NAALADL2: variants seen among roughly 807,000 people sequenced by gnomAD.
The protein encoded by NAALADL2 is inactive N-acetylated-alpha-linked acidic dipeptidase-like protein 2.
In NAALADL2, 76 loss-of-function variants were observed where a neutral mutation model predicts 87.2. That is an observed-to-expected ratio of 0.87 (90% CI 0.72 to 1.05). The LOEUF (loss-of-function observed/expected upper bound fraction) is 1.05, where lower values mean the gene tolerates loss of function less well. NAALADL2 is among the 50% of genes least tolerant of loss of function. The probability of loss-of-function intolerance (pLI) is 0.00; values close to 1 mark genes in which losing one functional copy is unlikely to be tolerated. For synonymous variants in NAALADL2, 354 were observed against 331.0 expected, an observed-to-expected ratio of 1.07 and a Z score of -0.75; for missense variants, 1,089 against 945.8, an observed-to-expected ratio of 1.15 and a Z score of -1.99.
Position 175,096,793 on chromosome 3 carries a change from A to G in NAALADL2, c.47A>G (p.Lys16Arg). 1 of 1,487,548 alleles carries G rather than the reference A, an allele frequency of 6.7e-7. No individual in the cohort carries two copies. The highest frequency in any genetic ancestry group is 8.9e-7 in the Non-Finnish European group (1 of 1,118,204). The allele number at this position is 1,487,548 out of a possible 1,614,324, so 92.1% of individuals were successfully genotyped here. ...TATATTTTTCTTATTTTCACAGGTA[A>G]AAAGATGGCCTATCAGAAGGTCCAT... ...ASLPNTSLQG[K>R]KMAYQKVHAD... Residue 16 changes from lysine (K) to arginine (R), a missense_variant, in exon 2 of 14, where the codon AAA becomes AGA. Coordinates refer to ENST00000454872, the MANE Select transcript of NAALADL2 (RefSeq NM_207015.3).
At chr3:175,329,578 T>C (rs1761149848) in intron 5 of NAALADL2, among the ~76,000 whole-genome samples, 1 of 152,182 alleles carries the variant, frequency 6.6e-6, no homozygotes, top group South Asian at 2.1e-4. Flanking sequence ...TGTGCCTAGT[T>C]GTCAAAGCAA....
chr3:175,246,847 A>T (rs1325192175), intron 3 of NAALADL2, among the ~76,000 whole-genome samples: 1 of 152,098 alleles, frequency 6.6e-6, no homozygotes, highest in Non-Finnish European at 1.5e-5. Context: ...GATATTAGGG[A>T]AAAGCAAGAG....
intron 13 of NAALADL2, among the ~76,000 whole-genome samples, chr3:175,763,831 AAC>A (rs140976173): frequency 6.6e-6 from 1 of 151,940 alleles, no homozygotes; most frequent in East Asian, 1.9e-4. Flanking sequence ...TCCCCATTCT[AAC>A]ACACACACAC....
chr3:174,722,840 T>G (rs1439255031), intron 2 of NAALADL2, among the ~76,000 whole-genome samples: 2 of 152,234 alleles, frequency 1.3e-5, no homozygotes, highest in Non-Finnish European at 2.9e-5. Context: ...ATAATTACCT[T>G]GTTTTTAAAA....
At position 174,930,928 on chromosome 3, in the gene NAALADL2, A is replaced by G. The variant is rs372215142; in HGVS notation, c.43+71478A>G. ...TGAGCCACCACGCCCGGCCAAGATG[A>G]ACATTTTAAATGCTATTTGTATATA... On this transcript the variant is annotated intron_variant, in intron 1 of 13. Transcript: ENST00000454872. 7.2e-4 allele frequency among the ~76,000 whole-genome samples: 109 copies of G among 152,098 alleles called. 2 individuals are homozygous for G. The South Asian group carries it at 0.022, about 31-fold the overall frequency.
At chr3:175,802,049 A>G (rs924529566) in intron 13 of NAALADL2, among the ~76,000 whole-genome samples, 1 of 152,098 alleles carries the variant, frequency 6.6e-6, no homozygotes, top group East Asian at 1.9e-4. Flanking sequence ...TGTTGCCTCT[A>G]TACTGTCTGT....
At chr3:174,468,935 G>C (rs934520301) in intron 1 of NAALADL2, among the ~76,000 whole-genome samples, 3 of 148,590 alleles carry the variant, frequency 2.0e-5, no homozygotes, top group Non-Finnish European at 3.0e-5. Flanking sequence ...GCTAAATTTT[G>C]TACTTGTAGT....
chr3:175,750,262 G>A (rs1196631129), intron 12 of NAALADL2, among the ~76,000 whole-genome samples: 8 of 152,090 alleles, frequency 5.3e-5, no homozygotes, highest in Non-Finnish European at 1.5e-5. Flanking sequence ...CAGGATGATC[G>A]TTGGCTAGAA....
chr3:175,314,687 TATATA>T (rs1758859461), intron 4 of NAALADL2, among the ~76,000 whole-genome samples: 9 of 33,066 alleles, frequency 2.7e-4, no homozygotes, highest in South Asian at 1.1e-3. Flanking sequence ...TATATATATA[TATATA>T]TATATATATA....
intron 2 of NAALADL2, among the ~76,000 whole-genome samples, chr3:174,603,775 T>G (rs1033618345): frequency 6.6e-6 from 1 of 152,110 alleles, no homozygotes; most frequent in African/African-American, 2.4e-5. Flanking sequence ...GTGTATTGTA[T>G]TTCCATTATC....
At chr3:175,651,469 G>A (rs756567296) in intron 11 of NAALADL2, among the ~76,000 whole-genome samples, 1 of 152,100 alleles carries the variant, frequency 6.6e-6, no homozygotes, top group African/African-American at 2.4e-5. Flanking sequence ...ATTCATTTTG[G>A]AGAGGTTCTT....
At chr3:175,423,512 C>T (rs1301018495) in intron 5 of NAALADL2, among the ~76,000 whole-genome samples, 1 of 149,732 alleles carries the variant, frequency 6.7e-6, no homozygotes, top group Non-Finnish European at 1.5e-5. Flanking sequence ...CGAGAACATG[C>T]GGTATTTGGT....
intron 1 of NAALADL2, among the ~76,000 whole-genome samples, chr3:175,019,934 G>A (rs1311104690): frequency 6.6e-6 from 1 of 152,010 alleles, no homozygotes; most frequent in African/African-American, 2.4e-5. Flanking sequence ...GAAGGAGTTT[G>A]TTTTTCATTC....
chr3:175,356,307 G>T (rs1197034655), intron 5 of NAALADL2, among the ~76,000 whole-genome samples: 1 of 152,106 alleles, frequency 6.6e-6, no homozygotes, highest in East Asian at 1.9e-4. Flanking sequence ...TATCCACCGG[G>T]CAAGGTGGCT....
intron 11 of NAALADL2, among the ~76,000 whole-genome samples, chr3:175,711,995 C>T (rs1199190999): frequency 6.6e-6 from 1 of 151,714 alleles, no homozygotes; most frequent in Non-Finnish European, 1.5e-5. Flanking sequence ...TCAAAAGTTG[C>T]ACTATCCATA....
chr3:175,427,814 T>TAAAATTTG, intron 5 of NAALADL2, among the ~76,000 whole-genome samples: 1 of 144,786 alleles, frequency 6.9e-6, no homozygotes, highest in South Asian at 2.2e-4. Flanking sequence ...CAATTTACTT[T>TAAAATTTG]CATCCATACC....
chr3:175,432,048 A>G (rs1717846763), intron 5 of NAALADL2, among the ~76,000 whole-genome samples: 1 of 152,044 alleles, frequency 6.6e-6, no homozygotes, highest in African/African-American at 2.4e-5. Flanking sequence ...ATAGCTTTTA[A>G]CAGTAATGAC....
intron 2 of NAALADL2, among the ~76,000 whole-genome samples, chr3:174,593,673 G>A (rs1717606489): frequency 1.3e-5 from 2 of 152,128 alleles, no homozygotes; most frequent in South Asian, 4.2e-4. Flanking sequence ...CTCAAATTCT[G>A]GTATCAGAAA....
In NAALADL2 at chr3:175,558,194, CAAAAAA is replaced by C. The variant is rs71164638; in HGVS notation, c.1654-17829_1654-17824del. On this transcript the variant is annotated intron_variant, in intron 9 of 13. Transcript: ENST00000454872. ...TGGGCAACACAGCAAGACCCCGTCT[CAAAAAA>C]AAAAAAAAAAAAAAAAAGAAAGAAA... Among the ~76,000 whole-genome samples the C allele has an allele frequency of 6.1e-5, 5 of 82,434 alleles. No homozygotes were observed. In the South Asian group the frequency reaches 2.0e-3, roughly 32 times the overall value. The allele number at this position is 82,434 out of a possible 152,430, so 54.1% of individuals were successfully genotyped here.
Sources: allele counts gnomAD v4.1 joint callset (sites outside exome capture counted in the v4.1 genomes callset), GRCh38; gene constraint gnomAD v4.1.1; transcripts MANE v1.5; gene names NCBI Gene and HGNC (gene_info 2026-07-23, HGNC 2026-07-21).